ANKS1B: variants seen among roughly 807,000 people sequenced by gnomAD.
The protein encoded by ANKS1B is ankyrin repeat and sterile alpha motif domain-containing protein 1B.
ANKS1B carries 36 observed loss-of-function variants against 148.3 expected under a neutral mutation model. That is an observed-to-expected ratio of 0.24 (90% CI 0.19 to 0.32). The LOEUF is 0.32. ANKS1B is among the 10% of genes least tolerant of loss of function. The pLI is 1.00. For missense variants in ANKS1B, 1,157 were observed against 1,542.6 expected (o/e 0.75, Z 4.19); for synonymous variants, 542 against 560.8 (o/e 0.97, Z 0.47).
intron 1 of ANKS1B, among the ~76,000 whole-genome samples, chr12:99,885,042 G>GA (rs948195176): frequency 2.6e-5 from 4 of 151,592 alleles, no homozygotes; most frequent in African/African-American, 7.3e-5. Context: ...TTTTTAAAAT[G>GA]AAAAATATAG....
intron 11 of ANKS1B, among the ~76,000 whole-genome samples, chr12:99,429,002 ATAAC>A (rs1362447250): frequency 6.6e-6 from 1 of 152,242 alleles, no homozygotes; most frequent in Non-Finnish European, 1.5e-5. Context: ...ATAATGGAGT[ATAAC>A]TAACTCAATA....
chr12:99,869,574 G>A (rs182056170), intron 1 of ANKS1B, among the ~76,000 whole-genome samples: 86 of 151,910 alleles, frequency 5.7e-4, no homozygotes, highest in African/African-American at 1.2e-3. Context: ...CCAGCTACTC[G>A]GGAGGCTGAG....
At chr12:98,899,129 T>C (rs1360329901) in intron 17 of ANKS1B, among the ~76,000 whole-genome samples, 4 of 152,202 alleles carry the variant, frequency 2.6e-5, no homozygotes, top group Admixed American at 2.6e-4. Context: ...TGTTTAGTAG[T>C]AGTATAATGC....
chr12:99,410,287 G>T (rs1251277992), intron 11 of ANKS1B, among the ~76,000 whole-genome samples: 1 of 152,010 alleles, frequency 6.6e-6, no homozygotes, highest in Non-Finnish European at 1.5e-5. Context: ...TGTAGTAGTT[G>T]TAACGTAGAC....
At chr12:99,528,652 CACTT>C (rs2096955595) in intron 9 of ANKS1B, among the ~76,000 whole-genome samples, 1 of 152,052 alleles carries the variant, frequency 6.6e-6, no homozygotes, top group South Asian at 2.1e-4. Context: ...TTTCATAAAG[CACTT>C]AGTCTAGTGT....
At chr12:99,197,001 G>C (rs1268700590) in intron 14 of ANKS1B, among the ~76,000 whole-genome samples, 1 of 152,086 alleles carries the variant, frequency 6.6e-6, no homozygotes, top group Non-Finnish European at 1.5e-5. Flanking sequence ...AAAGCCAAGG[G>C]AGATATCCTC....
chr12:99,392,214 T>G (rs2094098766), intron 12 of ANKS1B, among the ~76,000 whole-genome samples: 1 of 152,238 alleles, frequency 6.6e-6, no homozygotes, highest in Non-Finnish European at 1.5e-5. Flanking sequence ...GTGGCTGCTG[T>G]AATAATGATG....
chr12:98,932,946 A>C (rs2099815013), intron 17 of ANKS1B, among the ~76,000 whole-genome samples: 1 of 152,178 alleles, frequency 6.6e-6, no homozygotes, highest in African/African-American at 2.4e-5. Flanking sequence ...CACCTGAACT[A>C]TTTGACTTTT....
At chr12:99,520,737 G>A (rs752899084) in intron 9 of ANKS1B, among the ~76,000 whole-genome samples, 8 of 152,070 alleles carry the variant, frequency 5.3e-5, no homozygotes, top group Non-Finnish European at 8.8e-5. Flanking sequence ...CTGTAGTTGC[G>A]CTTTATTGTT....
intron 9 of ANKS1B, among the ~76,000 whole-genome samples, chr12:99,594,835 C>T (rs2097741229): frequency 6.6e-6 from 1 of 151,782 alleles, no homozygotes; most frequent in Non-Finnish European, 1.5e-5. Flanking sequence ...CTGTACTGTA[C>T]ACAAAATTTG....
intron 9 of ANKS1B, among the ~76,000 whole-genome samples, chr12:99,538,502 T>G (rs571976906): frequency 9.8e-5 from 15 of 152,286 alleles, no homozygotes; most frequent in Middle Eastern, 3.4e-3. Flanking sequence ...GTTTTTAATC[T>G]TATGTGTGGC....
At chr12:99,602,758 G>A (rs910105486) in intron 9 of ANKS1B, among the ~76,000 whole-genome samples, 2 of 151,980 alleles carry the variant, frequency 1.3e-5, no homozygotes, top group African/African-American at 4.8e-5. Flanking sequence ...CCAGAAGGGT[G>A]GGAGAAAAAT....
intron 1 of ANKS1B, among the ~76,000 whole-genome samples, chr12:99,882,418 G>C (rs2092571880): frequency 1.3e-5 from 2 of 152,066 alleles, no homozygotes; most frequent in South Asian, 4.1e-4. Flanking sequence ...AAAGTTCAGT[G>C]AACTCCAAAA....
intron 25 of ANKS1B, 123 bp downstream of exon 25, chr12:98,772,919 G>T: frequency 2.9e-6 from 3 of 1,049,982 alleles, no homozygotes; most frequent in Admixed American, 5.6e-5. Flanking sequence ...AAATACACTT[G>T]GTATGTATCT....
intron 22 of ANKS1B, chr12:98,794,548 A>G (rs2098930136): frequency 1.4e-6 from 1 of 690,406 alleles, no homozygotes; most frequent in African/African-American, 1.7e-5. Context: ...CAAGATGTTC[A>G]TCCGCAATGA....
At chr12:99,535,989 T>C (rs778702041) in intron 9 of ANKS1B, among the ~76,000 whole-genome samples, 10 of 152,172 alleles carry the variant, frequency 6.6e-5, no homozygotes, top group Non-Finnish European at 1.2e-4. Flanking sequence ...AACCAACATA[T>C]ACTAGAGGGC....
At chr12:99,137,307 G>T (rs1347411296) in intron 15 of ANKS1B, among the ~76,000 whole-genome samples, 3 of 152,076 alleles carry the variant, frequency 2.0e-5, no homozygotes, top group Non-Finnish European at 4.4e-5. Context: ...ATCCCTGGAC[G>T]CTAGGCCTTG....
At chr12:99,040,445 T>C (rs2099958251) in intron 17 of ANKS1B, among the ~76,000 whole-genome samples, 1 of 152,210 alleles carries the variant, frequency 6.6e-6, no homozygotes, top group African/African-American at 2.4e-5. Flanking sequence ...GTTGGAAACT[T>C]TCTCTGCAAG....
intron 8 of ANKS1B, among the ~76,000 whole-genome samples, chr12:99,682,363 C>A (rs1173163278): frequency 6.6e-6 from 1 of 152,120 alleles, no homozygotes; most frequent in Admixed American, 6.6e-5. Context: ...ATATGATAGG[C>A]CACAAAACAA....
Sources: allele counts gnomAD v4.1 joint callset (sites outside exome capture counted in the v4.1 genomes callset), GRCh38; gene constraint gnomAD v4.1.1; transcripts MANE v1.5; gene names NCBI Gene and HGNC (gene_info 2026-07-23, HGNC 2026-07-21).